The following CASZ1 variants were observed in gnomAD, a reference collection of about 807,000 sequenced individuals.
CASZ1 encodes zinc finger protein castor homolog 1.
CASZ1 carries 28 observed loss-of-function variants against 135.2 expected under a neutral mutation model. The observed-to-expected ratio is 0.21, with a 90% CI of 0.15 to 0.28. The LOEUF is 0.28. CASZ1 is among the 10% of genes least tolerant of loss of function. CASZ1 has a pLI of 1.00. For missense variants in CASZ1, 2,161 were observed against 2,453.3 expected, an observed-to-expected ratio of 0.88 and a Z score of 2.52; for synonymous variants, 1,068 against 1,073.4, an observed-to-expected ratio of 0.99 and a Z score of 0.10.
chr1:10,667,327 C>T (rs555284832), intron 4 of CASZ1, among the ~76,000 whole-genome samples: 59 of 152,356 alleles, frequency 3.9e-4, no homozygotes, highest in Non-Finnish European at 5.9e-5. Context: ...GCCAGGCCCA[C>T]TGCCAGAGAA....
chr1:10,720,042 C>T lies in CASZ1; in HGVS notation c.-76-14498G>A, dbSNP rs778133105. On this transcript the variant is annotated intron_variant, in intron 2 of 20. Transcript: ENST00000377022. The surrounding 1 kb of genome is among the most constrained non-coding windows in gnomAD (Gnocchi z 5.7). ...CAGGAGCCAGGCGGCTGCCGGTCCC[C>T]ACTGCTCTGCCCAGAGGCCCTGTGG... is the stretch of plus-strand genomic sequence containing the variant. Among the ~76,000 whole-genome samples the T allele has an allele frequency of 6.6e-6, 1 of 152,252 alleles. No individual in the cohort carries two copies. The highest frequency in any genetic ancestry group is 1.5e-5 in the Non-Finnish European group (1 of 68,036).
intron 4 of CASZ1, among the ~76,000 whole-genome samples, chr1:10,678,988 C>T (rs1424088217): frequency 6.6e-6 from 1 of 152,180 alleles, no homozygotes; most frequent in East Asian, 1.9e-4. Flanking sequence ...AGACGCCCGT[C>T]TGCCCGCCCG....
At chr1:10,642,792 G>T in intron 20 of CASZ1, 67 bp downstream of exon 20, 1 of 1,554,344 alleles carries the variant, frequency 6.4e-7, no homozygotes, top group South Asian at 1.2e-5. Flanking sequence ...GTCCCAAGCT[G>T]CACCCAGCGG....
intron 18 of CASZ1, among the ~76,000 whole-genome samples, chr1:10,644,003 G>A (rs1215461583): frequency 3.3e-5 from 5 of 152,256 alleles, no homozygotes; most frequent in Non-Finnish European, 5.9e-5. Context: ...CCCTGGCCGA[G>A]AACTCCTTTT....
rs1639453629 is a variant in CASZ1 at position 10,719,330 on chromosome 1, C to T, written c.-76-13786G>A. On this transcript the variant is annotated intron_variant, in intron 2 of 20. Transcript: ENST00000377022. This position sits in a 1 kb window ranked among gnomAD's most constrained non-coding sequence, Gnocchi z 4.0. ...GTTTCTCTTCTATTTGAATCAAAAG[C>T]CCTCATTCTTTTGACCGTACCCCAC... 6.6e-6 allele frequency among the ~76,000 whole-genome samples: 1 copy of T among 152,198 alleles called. No individual in the cohort carries two copies.
intron 1 of CASZ1, among the ~76,000 whole-genome samples, chr1:10,783,266 T>TGTGC (rs972668806): frequency 6.6e-6 from 1 of 151,670 alleles, no homozygotes; most frequent in African/African-American, 2.4e-5. Context: ...TGTGTGTGTG[T>TGTGC]GTGTGTGTGT....
chr1:10,691,481 G>A (rs549369796), intron 4 of CASZ1, among the ~76,000 whole-genome samples: 13 of 152,320 alleles, frequency 8.5e-5, no homozygotes, highest in Admixed American at 7.2e-4. Context: ...GTTAACCTAC[G>A]ATCAGGGAGG....
intron 2 of CASZ1, among the ~76,000 whole-genome samples, chr1:10,729,692 C>T (rs910490699): frequency 6.6e-6 from 1 of 152,254 alleles, no homozygotes; most frequent in East Asian, 1.9e-4. Context: ...ACGCTGACAG[C>T]GCAAAGGCAG....
At chr1:10,787,361 C>T (rs912590833) in intron 1 of CASZ1, among the ~76,000 whole-genome samples, 1 of 152,192 alleles carries the variant, frequency 6.6e-6, no homozygotes, top group Admixed American at 6.5e-5. Context: ...TGTCTCACCC[C>T]GTCCCCCGAT....
chr1:10,784,059 A>T (rs939570137), intron 1 of CASZ1, among the ~76,000 whole-genome samples: 2 of 152,048 alleles, frequency 1.3e-5, no homozygotes, highest in Non-Finnish European at 1.5e-5. Flanking sequence ...CTGGAGAGGT[A>T]AGACCCAGGC....
chr1:10,796,027 G>C (rs1004864634), intron 1 of CASZ1, among the ~76,000 whole-genome samples: 1 of 151,732 alleles, frequency 6.6e-6, no homozygotes, highest in African/African-American at 2.4e-5. Flanking sequence ...TCTCTGCCCT[G>C]GAGAGCGCAC....
chr1:10,740,305 G>A (rs910780022), intron 2 of CASZ1, among the ~76,000 whole-genome samples: 3 of 152,192 alleles, frequency 2.0e-5, no homozygotes, highest in Admixed American at 6.5e-5. Context: ...GCTCTGCCCC[G>A]TTCCAGTGAG....
chr1:10,673,860 G>A (rs1643482352), intron 4 of CASZ1, among the ~76,000 whole-genome samples: 1 of 152,162 alleles, frequency 6.6e-6, no homozygotes, highest in Non-Finnish European at 1.5e-5. Context: ...GACCATCCAT[G>A]CCTCGGGCTG....
At position 10,755,545 on chromosome 1, in the gene CASZ1, C is replaced by T. The variant is rs1489809114; in HGVS notation, c.-77+5156G>A. ...CGCCGAGAAGTCCCCCGAGTAGCTC[C>T]AGACAGGGCAGGTGCCCCCAGCCCT... On this transcript the variant is annotated intron_variant, in intron 2 of 20. Transcript: ENST00000377022. This position sits in a 1 kb window ranked among gnomAD's most constrained non-coding sequence, Gnocchi z 4.3. 1.3e-5 allele frequency among the ~76,000 whole-genome samples: 2 copies of T among 152,096 alleles called. No individual in the cohort carries two copies. The highest frequency in any genetic ancestry group is 2.9e-5 in the Non-Finnish European group (2 of 68,014).
At chr1:10,686,043 G>A (rs576305708) in intron 4 of CASZ1, among the ~76,000 whole-genome samples, 59 of 152,310 alleles carry the variant, frequency 3.9e-4, no homozygotes, top group African/African-American at 6.0e-4. Context: ...GGTAGACCAT[G>A]CTGCTGGGAA....
chr1:10,654,693 G>A (rs1642730259), intron 9 of CASZ1, 102 bp from the exon 10 acceptor site: 6 of 1,154,028 alleles, frequency 5.2e-6, no homozygotes, highest in Non-Finnish European at 7.5e-6. Context: ...TCCCTGCTCA[G>A]GGAAGCTTTG....
intron 4 of CASZ1, 137 bp from the exon 5 acceptor site, chr1:10,665,708 C>A: frequency 1.1e-6 from 1 of 949,918 alleles, no homozygotes; most frequent in Non-Finnish European, 1.5e-6. Flanking sequence ...CCTGAGACTG[C>A]CTGGCATGTG....
rs1450570826 is a variant in CASZ1, at chr1:10,747,797, C to T, written c.-77+12904G>A. 6.6e-6 allele frequency among the ~76,000 whole-genome samples: 1 copy of T among 151,012 alleles called. No individual in the cohort carries two copies. Among genetic ancestry groups the T allele is most frequent in the Non-Finnish European group, 1.5e-5 (1 of 67,872 alleles). On this transcript the variant is annotated intron_variant, in intron 2 of 20. Coordinates refer to ENST00000377022, the MANE Select transcript of CASZ1 (RefSeq NM_001079843.3). The surrounding 1 kb of genome is among the most constrained non-coding windows in gnomAD (Gnocchi z 4.3). Reference sequence around the variant, plus strand: ...AATCACTGGGAGAGGGTACACAGTACACTGTGCTCACCTGCCTGACTTTTT... The same window carrying T: ...AATCACTGGGAGAGGGTACACAGTATACTGTGCTCACCTGCCTGACTTTTT...
In CASZ1 at chr1:10,726,454, G is replaced by C. The variant is rs1433842253; in HGVS notation, c.-76-20910C>G. Among the ~76,000 whole-genome samples the C allele has an allele frequency of 6.6e-5, 10 of 152,222 alleles. No individual in the cohort carries two copies. Among genetic ancestry groups the C allele is most frequent in the Admixed American group, 3.3e-4 (5 of 15,290 alleles). On this transcript the variant is annotated intron_variant, in intron 2 of 20. Coordinates refer to ENST00000377022, the MANE Select transcript of CASZ1 (RefSeq NM_001079843.3). The surrounding 1 kb of genome is among the most constrained non-coding windows in gnomAD (Gnocchi z 5.7). ...TCCTCCTGGCTGGAGCCGGAGGGAG[G>C]AGGAGGGCGGTGTAGTCCTCCAGGC...
Sources: gnomAD v4.1 joint callset for allele counts (sites outside exome capture counted in the v4.1 genomes callset) on GRCh38, gnomAD v4.1.1 for gene constraint, Gnocchi (gnomAD v3.1) non-coding constraint, MANE v1.5 for transcripts, NCBI Gene and HGNC (gene_info 2026-07-23, HGNC 2026-07-21) for gene names.